The following IGF2BP2 variants were observed in gnomAD, a reference collection of about 807,000 sequenced individuals.
IGF2BP2 encodes the protein insulin like growth factor 2 mRNA binding protein 2, also known as insulin-like growth factor 2 mRNA-binding protein 2.
In IGF2BP2, 17 loss-of-function variants were observed where a neutral mutation model predicts 75.8. That is an observed-to-expected ratio of 0.22 (90% confidence interval 0.15 to 0.34). The LOEUF (loss-of-function observed/expected upper bound fraction) is 0.34, where lower values mean the gene tolerates loss of function less well. Ranked by LOEUF, IGF2BP2 falls within the 10% of genes least tolerant of loss-of-function variation. The probability of loss-of-function intolerance (pLI) is 1.00; values close to 1 mark genes in which losing one functional copy is unlikely to be tolerated. For missense variants in IGF2BP2, 516 were observed against 772.4 expected, an observed-to-expected ratio of 0.67 and a Z score of 3.93; for synonymous variants, 288 against 295.6, an observed-to-expected ratio of 0.97 and a Z score of 0.26.
intron 7 of IGF2BP2, among the ~76,000 whole-genome samples, chr3:185,676,847 T>C (rs1190032015): frequency 7.0e-6 from 1 of 143,108 alleles, no homozygotes; most frequent in Non-Finnish European, 1.5e-5. Flanking sequence ...TTACTGGAGA[T>C]ATATATATAT....
At chr3:185,656,166 AG>A (rs370941143) in intron 12 of IGF2BP2, among the ~76,000 whole-genome samples, 1 of 152,240 alleles carries the variant, frequency 6.6e-6, no homozygotes, top group Non-Finnish European at 1.5e-5. Flanking sequence ...GCAGCCAGCC[AG>A]GGGGTCTTCC....
At chr3:185,706,233 T>C (rs1375308581) in intron 2 of IGF2BP2, among the ~76,000 whole-genome samples, 1 of 152,152 alleles carries the variant, frequency 6.6e-6, no homozygotes, top group Admixed American at 6.6e-5. Flanking sequence ...AATTCCATAA[T>C]ACTATTCATT....
At chr3:185,657,451 C>A in intron 11 of IGF2BP2, 49 bp from the exon 12 acceptor site, 1 of 1,403,542 alleles carries the variant, frequency 7.1e-7, no homozygotes, top group Non-Finnish European at 1.0e-6. Flanking sequence ...CAGGCTTTCT[C>A]CTCCAGGCAC....
At chr3:185,801,489 CAAAAAA>C (rs35823870) in intron 2 of IGF2BP2, among the ~76,000 whole-genome samples, 1 of 51,662 alleles carries the variant, frequency 1.9e-5, no homozygotes, top group Non-Finnish European at 4.1e-5. Context: ...AACTCCATCT[CAAAAAA>C]AAAAAAAAAA....
At chr3:185,694,820 C>T (rs1722371799) in intron 4 of IGF2BP2, among the ~76,000 whole-genome samples, 1 of 152,250 alleles carries the variant, frequency 6.6e-6, no homozygotes, top group Non-Finnish European at 1.5e-5. Context: ...GGCACGGTGG[C>T]TCACACCTGT....
rs565832095 is a variant in IGF2BP2, at chr3:185,781,537, T to C, written c.239+41616A>G. ...TTAAAAGGTTACAGTGGATCCTGGA[T>C]ATTAAATAATAATATTAAAATAATA... On this transcript the variant is annotated intron_variant, in intron 2 of 15. Coordinates refer to ENST00000382199, the MANE Select transcript of IGF2BP2 (RefSeq NM_006548.6). Among the ~76,000 whole-genome samples the C allele has an allele frequency of 2.0e-5, 3 of 152,324 alleles. No individual in the cohort carries two copies. The South Asian group carries it at 6.2e-4, about 32-fold the overall frequency.
At chr3:185,802,487 C>CAGAAGG (rs1240514685) in intron 2 of IGF2BP2, among the ~76,000 whole-genome samples, 3 of 152,214 alleles carry the variant, frequency 2.0e-5, no homozygotes, top group Admixed American at 1.3e-4. Flanking sequence ...GTAACCTGTA[C>CAGAAGG]TCTAGCTCCA....
At position 185,696,338 on chromosome 3, in the gene IGF2BP2, G is replaced by A. The variant is rs182602576; in HGVS notation, c.340+274C>T. The A allele has an allele frequency of 1.4e-3, 556 of 391,656 alleles. No individual in the cohort carries two copies. In the Middle Eastern group the frequency reaches 0.02, roughly 14 times the overall value. 24.3% of individuals were successfully genotyped at this position (391,656 alleles called of 1,614,324 possible). ...ATTAAGCTTACCCTAGCCTGACAGCGTTTGTCAGTGCTTGAGCACACTGCA... is the reference window on the plus strand; with the variant it reads ...ATTAAGCTTACCCTAGCCTGACAGCATTTGTCAGTGCTTGAGCACACTGCA... On this transcript the variant is annotated intron_variant, in intron 4 of 15. Transcript: ENST00000382199.
chr3:185,793,139 T>C (rs1736873526), intron 2 of IGF2BP2, among the ~76,000 whole-genome samples: 1 of 152,186 alleles, frequency 6.6e-6, no homozygotes. Flanking sequence ...CGCAATTATA[T>C]GGCTTCCTAC....
intron 3 of IGF2BP2, among the ~76,000 whole-genome samples, 197 bp from the exon 4 acceptor site, chr3:185,696,860 G>A (rs1722648828): frequency 6.6e-6 from 1 of 152,124 alleles, no homozygotes; most frequent in Non-Finnish European, 1.5e-5. Flanking sequence ...TTGGCTTATT[G>A]GCTCCCAATT....
Position 185,755,749 on chromosome 3 carries a change from G to C in IGF2BP2, c.240-57402C>G, listed in dbSNP as rs770961705. On this transcript the variant is annotated intron_variant, in intron 2 of 15. Coordinates refer to ENST00000382199, the MANE Select transcript of IGF2BP2 (RefSeq NM_006548.6). ...ATGGGGCCTATTACCCTTTCCTTTA[G>C]GGCAATTTCTCCCTTTTGGAATGGG... Among the ~76,000 whole-genome samples, 36 of 152,288 alleles carry C rather than the reference G, an allele frequency of 2.4e-4. 1 individual carries two copies. Among genetic ancestry groups the C allele is most frequent in the Non-Finnish European group, 4.0e-4 (27 of 68,022 alleles).
chr3:185,688,749 G>GT (rs544459613), intron 6 of IGF2BP2, among the ~76,000 whole-genome samples: 2 of 152,192 alleles, frequency 1.3e-5, no homozygotes, highest in Non-Finnish European at 2.9e-5. Context: ...CAACTTGAAC[G>GT]TAAGTCTTTG....
At position 185,686,907 on chromosome 3, in the gene IGF2BP2, CT is replaced by C. The variant is rs1721214806; in HGVS notation, c.812+149del. The C allele has an allele frequency of 1.2e-4, 100 of 810,574 alleles. 1 individual carries two copies. In the South Asian group the frequency reaches 1.6e-3, roughly 13 times the overall value. The allele number at this position is 810,574 out of a possible 1,614,324, so 50.2% of individuals were successfully genotyped here. On this transcript the variant is annotated intron_variant, in intron 7 of 15. Transcript: ENST00000382199. ...AAGATCTACTTCCCACTGTATTCTA[CT>C]TGGGAACAAATTTCTTAAACACAAT...
At chr3:185,701,087 TA>T (rs1352333639) in intron 2 of IGF2BP2, among the ~76,000 whole-genome samples, 1 of 152,144 alleles carries the variant, frequency 6.6e-6, no homozygotes, top group East Asian at 1.9e-4. Context: ...AACTTTTTTA[TA>T]TTTTTTTAAA....
rs558608927 is a variant in IGF2BP2 at position 185,703,828 on chromosome 3, G to A, written c.240-5481C>T. On this transcript the variant is annotated intron_variant, in intron 2 of 15. Coordinates refer to ENST00000382199, the MANE Select transcript of IGF2BP2 (RefSeq NM_006548.6). ...AAGCAAAACACCTGCTTTGGTGTGAGGAGGATAATGCCATAGTTTTCAGGC... is the reference window on the plus strand; with the variant it reads ...AAGCAAAACACCTGCTTTGGTGTGAAGAGGATAATGCCATAGTTTTCAGGC... Among the ~76,000 whole-genome samples, 7 of 152,228 alleles carry A rather than the reference G, an allele frequency of 4.6e-5. No individual in the cohort carries two copies. In the East Asian group the frequency reaches 1.3e-3, roughly 29 times the overall value.
At position 185,644,045 on chromosome 3, in the gene IGF2BP2, A is replaced by C. The variant is rs1577768206; in HGVS notation, c.*1486T>G. The C allele has an allele frequency of 1.3e-5, 2 of 152,416 alleles. No homozygotes were observed. Among genetic ancestry groups the C allele is most frequent in the Middle Eastern group, 3.4e-3 (1 of 294 alleles). 9.4% of individuals were successfully genotyped at this position (152,416 alleles called of 1,614,324 possible). On this transcript the variant is annotated 3_prime_UTR_variant, in exon 16 of 16. Coordinates refer to ENST00000382199, the MANE Select transcript of IGF2BP2 (RefSeq NM_006548.6). ...GCCATATAGGTTCTTGGCTAGCGGA[A>C]GACAATTCAGAACAGCTGTTGCACA...
In IGF2BP2 at chr3:185,753,482, C is replaced by T. The variant is rs576828925; in HGVS notation, c.240-55135G>A. Among the ~76,000 whole-genome samples the T allele has an allele frequency of 2.0e-5, 3 of 152,164 alleles. No individual in the cohort carries two copies. The South Asian group carries it at 6.2e-4, about 32-fold the overall frequency. On this transcript the variant is annotated intron_variant, in intron 2 of 15. Coordinates refer to ENST00000382199, the MANE Select transcript of IGF2BP2 (RefSeq NM_006548.6). ...CTGTGAAATATTATTTATCACTTCC[C>T]AAAACAAGTCATACCTGGGGTGGCC...
At chr3:185,763,040 T>C (rs1319664168) in intron 2 of IGF2BP2, among the ~76,000 whole-genome samples, 5 of 152,212 alleles carry the variant, frequency 3.3e-5, no homozygotes, top group Admixed American at 1.3e-4. Context: ...ATCACCTGTA[T>C]AGATGTTTTT....
chr3:185,784,912 C>T (rs933733933), intron 2 of IGF2BP2, among the ~76,000 whole-genome samples: 7 of 152,198 alleles, frequency 4.6e-5, no homozygotes, highest in African/African-American at 1.7e-4. Context: ...AAATTCCTGA[C>T]ATTTCAGTGG....
Sources: allele counts gnomAD v4.1 joint callset (sites outside exome capture counted in the v4.1 genomes callset), GRCh38; gene constraint gnomAD v4.1.1; transcripts MANE v1.5; gene names NCBI Gene and HGNC (gene_info 2026-07-23, HGNC 2026-07-21).